The following PTPRD variants were observed in gnomAD, a reference collection of about 807,000 sequenced individuals.
The protein encoded by PTPRD is receptor-type tyrosine-protein phosphatase delta.
In PTPRD, 34 loss-of-function variants were observed where a neutral mutation model predicts 214.5. That is an observed-to-expected ratio of 0.16 (90% CI 0.12 to 0.21). PTPRD has a LOEUF of 0.21. Among genes scored for constraint, PTPRD ranks in the 10% least tolerant of loss-of-function variants. The pLI is 1.00. For missense variants in PTPRD, 2,545 were observed against 2,398.7 expected (o/e 1.06, Z -1.27); for synonymous variants, 1,128 against 845.7 (o/e 1.33, Z -5.79).
intron 4 of PTPRD, among the ~76,000 whole-genome samples, chr9:9,992,500 T>A (rs760253915): frequency 1.8e-4 from 28 of 152,178 alleles, no homozygotes; most frequent in Non-Finnish European, 2.9e-4. Context: ...CACATGCACA[T>A]GTATGTTTAT....
At position 8,567,806 on chromosome 9, in the gene PTPRD, A is replaced by G. The variant is rs560162671; in HGVS notation, c.353-39027T>C. On this transcript the variant is annotated intron_variant, in intron 14 of 45. Transcript: ENST00000381196. ...TCTCTCTTACAAATAACATATGATG[A>G]CCAAGCTAGGTTCTATACATTTATT... Among the ~76,000 whole-genome samples the G allele has an allele frequency of 2.0e-5, 3 of 152,244 alleles. No homozygotes were observed. In the East Asian group the frequency reaches 5.8e-4, roughly 29 times the overall value.
intron 19 of PTPRD, among the ~76,000 whole-genome samples, chr9:8,522,556 C>T (rs189490521): frequency 6.6e-6 from 1 of 152,262 alleles, no homozygotes; most frequent in Non-Finnish European, 1.5e-5. Flanking sequence ...AATTGAGGGA[C>T]ACTGGATCTA....
chr9:9,356,171 G>C (rs966843978), intron 9 of PTPRD, among the ~76,000 whole-genome samples: 1 of 151,364 alleles, frequency 6.6e-6, no homozygotes, highest in African/African-American at 2.4e-5. Context: ...AAGAACCAAG[G>C]AATAGGGAGA....
chr9:10,432,271 C>A lies in PTPRD; in HGVS notation c.-599-91254G>T, dbSNP rs2098687378. 6.0e-5 allele frequency among the ~76,000 whole-genome samples: 7 copies of A among 116,618 alleles called. 1 individual carries two copies. In the South Asian group the frequency reaches 2.0e-3, roughly 33 times the overall value. 76.5% of individuals were successfully genotyped at this position (116,618 alleles called of 152,430 possible). On this transcript the variant is annotated intron_variant, in intron 2 of 45. Coordinates refer to ENST00000381196, the MANE Select transcript of PTPRD (RefSeq NM_002839.4). ...TGGACACAGGAAGGGGAATATCACA[C>A]TCTGGGGACTGTGGTGGGGTGGGGG...
intron 7 of PTPRD, among the ~76,000 whole-genome samples, chr9:9,628,891 T>G (rs967578365): frequency 5.3e-5 from 8 of 151,828 alleles, no homozygotes; most frequent in African/African-American, 1.9e-4. Context: ...ATATACATAG[T>G]GGCCAGGTGC....
chr9:10,048,641 G>A (rs932493913), intron 3 of PTPRD, among the ~76,000 whole-genome samples: 17 of 151,986 alleles, frequency 1.1e-4, no homozygotes, highest in African/African-American at 4.1e-4. Flanking sequence ...AATCTTCGAG[G>A]AGGTAGGATT....
At chr9:9,210,866 T>C (rs957770982) in intron 9 of PTPRD, among the ~76,000 whole-genome samples, 6 of 152,098 alleles carry the variant, frequency 3.9e-5, no homozygotes, top group African/African-American at 7.2e-5. Flanking sequence ...TTTCCTTTTT[T>C]TTTTCTCTTC....
intron 11 of PTPRD, among the ~76,000 whole-genome samples, chr9:8,826,945 C>T (rs2097188078): frequency 6.6e-6 from 1 of 152,038 alleles, no homozygotes. Context: ...CATGTTTCTC[C>T]TTCTGCCTGG....
intron 37 of PTPRD, among the ~76,000 whole-genome samples, chr9:8,378,331 C>A (rs1304682362): frequency 6.6e-6 from 1 of 151,944 alleles, no homozygotes; most frequent in Non-Finnish European, 1.5e-5. Context: ...GTTCTTTCAC[C>A]ATAAGCTAAA....
At chr9:9,807,534 T>C (rs1202500310) in intron 5 of PTPRD, among the ~76,000 whole-genome samples, 1 of 152,150 alleles carries the variant, frequency 6.6e-6, no homozygotes, top group Non-Finnish European at 1.5e-5. Flanking sequence ...GTTAAGCATT[T>C]TCCCATATGC....
chr9:9,346,553 A>G (rs1191939525), intron 9 of PTPRD, among the ~76,000 whole-genome samples: 2 of 152,186 alleles, frequency 1.3e-5, no homozygotes, highest in African/African-American at 4.8e-5. Context: ...AGCCACTTAC[A>G]AATGTCCAGT....
intron 9 of PTPRD, among the ~76,000 whole-genome samples, chr9:9,270,667 C>A (rs1343881282): frequency 6.6e-6 from 1 of 151,282 alleles, no homozygotes. Context: ...ATCCCATGAT[C>A]TTATTTATGT....
rs574952871 is a variant in PTPRD, at chr9:8,713,617, G to A, written c.64+20163C>T. ...CCGGGAATACCGGGACCTGACCACC[G>A]CGGGCGCTGTCACCCAGTGCTACCG... On this transcript the variant is annotated intron_variant, in intron 12 of 45. Coordinates refer to ENST00000381196, the MANE Select transcript of PTPRD (RefSeq NM_002839.4). 26 of 1,533,280 alleles carry A rather than the reference G, an allele frequency of 1.7e-5. No individual in the cohort carries two copies. The South Asian group carries it at 2.7e-4, about 16-fold the overall frequency. The allele number at this position is 1,533,280 out of a possible 1,614,324, so 95.0% of individuals were successfully genotyped here. A position where few individuals can be genotyped will look rare whatever the true frequency, so the allele number is the denominator to read the frequency against.
intron 3 of PTPRD, among the ~76,000 whole-genome samples, chr9:10,336,411 T>G (rs1597399407): frequency 6.6e-6 from 1 of 151,210 alleles, no homozygotes; most frequent in South Asian, 2.1e-4. Flanking sequence ...TGGGTGGGAG[T>G]TTTTTGTGGG....
chr9:9,801,797 C>T (rs2099041976), intron 5 of PTPRD, among the ~76,000 whole-genome samples: 1 of 152,054 alleles, frequency 6.6e-6, no homozygotes, highest in African/African-American at 2.4e-5. Context: ...GACAAGGCCA[C>T]TGCAAGTTCT....
intron 11 of PTPRD, among the ~76,000 whole-genome samples, chr9:8,943,796 A>G (rs1324126198): frequency 6.6e-6 from 1 of 151,748 alleles, no homozygotes; most frequent in Admixed American, 6.6e-5. Context: ...TCAAACTATG[A>G]AACCACTAAA....
chr9:9,468,874 T>C (rs924570396), intron 8 of PTPRD, among the ~76,000 whole-genome samples: 1 of 152,172 alleles, frequency 6.6e-6, no homozygotes, highest in African/African-American at 2.4e-5. Flanking sequence ...TTTAAACCTA[T>C]GATTTTTAAT....
intron 9 of PTPRD, among the ~76,000 whole-genome samples, chr9:9,235,994 T>C (rs1168563834): frequency 6.6e-6 from 1 of 152,146 alleles, no homozygotes; most frequent in Non-Finnish European, 1.5e-5. Flanking sequence ...CCAGGTGCGG[T>C]GTCTCATGCC....
chr9:9,757,615 C>A (rs1197312536), intron 6 of PTPRD, among the ~76,000 whole-genome samples: 1 of 152,038 alleles, frequency 6.6e-6, no homozygotes, highest in African/African-American at 2.4e-5. Flanking sequence ...TTCCTATTCT[C>A]TTTTTAATAT....
Sources: gnomAD v4.1 joint callset for allele counts (sites outside exome capture counted in the v4.1 genomes callset) on GRCh38, gnomAD v4.1.1 for gene constraint, MANE v1.5 for transcripts, NCBI Gene and HGNC (gene_info 2026-07-23, HGNC 2026-07-21) for gene names.